Variants in ARHGAP24 observed in about 807,000 individuals in gnomAD.
The protein encoded by ARHGAP24 is rho GTPase-activating protein 24.
ARHGAP24 carries 50 observed loss-of-function variants against 76.4 expected under a neutral mutation model. The ratio of observed to expected loss-of-function variants is 0.65; its 90% CI spans 0.52 to 0.83. The LOEUF is 0.83. Ranked by LOEUF, ARHGAP24 falls within the 40% of genes least tolerant of loss-of-function variation. The pLI is 0.00. For missense variants in ARHGAP24, 930 were observed against 914.2 expected (o/e 1.02, Z -0.22); for synonymous variants, 345 against 323.3 (o/e 1.07, Z -0.72).
At chr4:85,771,078 A>C (rs1727114092) in intron 3 of ARHGAP24, among the ~76,000 whole-genome samples, 1 of 152,142 alleles carries the variant, frequency 6.6e-6, no homozygotes, top group South Asian at 2.1e-4. Flanking sequence ...GTTTGCAAAT[A>C]TGTTCTTTTA....
At chr4:85,642,091 C>T (rs575468858) in intron 2 of ARHGAP24, among the ~76,000 whole-genome samples, 1 of 152,152 alleles carries the variant, frequency 6.6e-6, no homozygotes, top group South Asian at 2.1e-4. Flanking sequence ...GTCTTGTGAC[C>T]TACAATCAGA....
chr4:85,837,138 C>T (rs1412955943), intron 3 of ARHGAP24, among the ~76,000 whole-genome samples: 1 of 152,202 alleles, frequency 6.6e-6, no homozygotes, highest in Non-Finnish European at 1.5e-5. Context: ...TATTTATTCC[C>T]TTGCTGTAGA....
At chr4:85,513,951 G>A (rs913794784) in intron 1 of ARHGAP24, among the ~76,000 whole-genome samples, 2 of 152,068 alleles carry the variant, frequency 1.3e-5, no homozygotes, top group Non-Finnish European at 2.9e-5. Flanking sequence ...CCTAATATGT[G>A]TATGTTGTCA....
chr4:85,659,723 C>T (rs1359363629), intron 2 of ARHGAP24, among the ~76,000 whole-genome samples: 1 of 152,172 alleles, frequency 6.6e-6, no homozygotes, highest in Non-Finnish European at 1.5e-5. Flanking sequence ...TTCATCTCCT[C>T]AGTCTGCTTT....
At chr4:85,675,546 A>T (rs543084214) in intron 2 of ARHGAP24, among the ~76,000 whole-genome samples, 5 of 152,198 alleles carry the variant, frequency 3.3e-5, no homozygotes, top group Non-Finnish European at 5.9e-5. Flanking sequence ...CAATTTATGG[A>T]TAACCTTCTA....
intron 3 of ARHGAP24, among the ~76,000 whole-genome samples, chr4:85,745,337 C>T (rs1357657096): frequency 6.8e-6 from 1 of 146,914 alleles, no homozygotes; most frequent in Non-Finnish European, 1.5e-5. Context: ...TACATATATA[C>T]ATATATATGT....
At chr4:85,757,711 T>A (rs1238498490) in intron 3 of ARHGAP24, among the ~76,000 whole-genome samples, 1 of 152,232 alleles carries the variant, frequency 6.6e-6, no homozygotes, top group Non-Finnish European at 1.5e-5. Context: ...GCATGATTTA[T>A]AGTCCTTTGG....
At chr4:85,975,821 G>T (rs765421113) in intron 7 of ARHGAP24, 1 of 152,132 alleles carries the variant, frequency 6.6e-6, no homozygotes, top group South Asian at 2.1e-4. Context: ...AGCGTTCAAG[G>T]GACTAGGAAC....
chr4:85,565,925 A>G lies in ARHGAP24; in HGVS notation c.-20-4597A>G, dbSNP rs527466980. Reference sequence around the variant, plus strand: ...ATTTCGTCTCTGATTGCACCATGTCATACTGTTGTGTTCTTGGCCCATCTG... The same window carrying G: ...ATTTCGTCTCTGATTGCACCATGTCGTACTGTTGTGTTCTTGGCCCATCTG... On this transcript the variant is annotated intron_variant, in intron 1 of 9. Coordinates refer to ENST00000395184, the MANE Select transcript of ARHGAP24 (RefSeq NM_001025616.3). Among the ~76,000 whole-genome samples the G allele has an allele frequency of 1.6e-4, 24 of 152,314 alleles. No individual in the cohort carries two copies. In the East Asian group the frequency reaches 3.5e-3, roughly 22 times the overall value.
intron 2 of ARHGAP24, among the ~76,000 whole-genome samples, chr4:85,595,629 G>T (rs1719798074): frequency 6.6e-6 from 1 of 152,020 alleles, no homozygotes; most frequent in Non-Finnish European, 1.5e-5. Flanking sequence ...ACCAGGATGG[G>T]TGAAGAAATA....
intron 1 of ARHGAP24, among the ~76,000 whole-genome samples, chr4:85,514,459 A>T (rs528945830): frequency 1.3e-5 from 2 of 152,028 alleles, no homozygotes; most frequent in African/African-American, 4.8e-5. Context: ...TCCTTTTTGC[A>T]TGTGAATTCC....
chr4:85,954,400 G>T (rs1344390216), intron 5 of ARHGAP24, among the ~76,000 whole-genome samples: 2 of 152,028 alleles, frequency 1.3e-5, no homozygotes, highest in South Asian at 4.2e-4. Context: ...TTTCTTTACT[G>T]CTTATCATCT....
chr4:85,765,056 T>C (rs1726877243), intron 3 of ARHGAP24, among the ~76,000 whole-genome samples: 1 of 152,120 alleles, frequency 6.6e-6, no homozygotes, highest in African/African-American at 2.4e-5. Flanking sequence ...AGTGGAACAT[T>C]TGTTTGACTT....
At position 85,582,952 on chromosome 4, in the gene ARHGAP24, T is replaced by C. The variant is rs577318939; in HGVS notation, c.180+12231T>C. On this transcript the variant is annotated intron_variant, in intron 2 of 9. Coordinates refer to ENST00000395184, the MANE Select transcript of ARHGAP24 (RefSeq NM_001025616.3). ...CTGCACTTTTGTTTCTGACCTGTTG[T>C]TTCCTTTAATATTCTGGATTGAGAA... Among the ~76,000 whole-genome samples the C allele has an allele frequency of 1.5e-3, 236 of 152,286 alleles. 1 individual carries two copies. Among genetic ancestry groups the C allele is most frequent in the Non-Finnish European group, 2.6e-3 (174 of 67,998 alleles).
At chr4:85,504,873 A>G (rs1175467303) in intron 1 of ARHGAP24, among the ~76,000 whole-genome samples, 1 of 151,998 alleles carries the variant, frequency 6.6e-6, no homozygotes, top group African/African-American at 2.4e-5. Context: ...GTTCCTTTCC[A>G]TGTTTAGTGC....
intron 1 of ARHGAP24, among the ~76,000 whole-genome samples, chr4:85,510,859 A>G (rs984345635): frequency 8.0e-6 from 1 of 125,226 alleles, no homozygotes; most frequent in African/African-American, 3.1e-5. Context: ...CTGAGTCTCT[A>G]TTCTCATCGC....
chr4:85,869,959 T>G (rs921539788), intron 3 of ARHGAP24, among the ~76,000 whole-genome samples: 6 of 152,210 alleles, frequency 3.9e-5, no homozygotes, highest in African/African-American at 7.2e-5. Context: ...TACTGTGACT[T>G]TGTGCCTTTG....
intron 5 of ARHGAP24, among the ~76,000 whole-genome samples, chr4:85,958,405 C>T (rs1490606982): frequency 3.3e-5 from 5 of 152,068 alleles, no homozygotes; most frequent in South Asian, 2.1e-4. Flanking sequence ...TTGTCACTAA[C>T]ATTTTATGGT....
chr4:85,742,041 A>G lies in ARHGAP24; in HGVS notation c.268+20069A>G, dbSNP rs565282441. ...AGAGTGGGGGAGGGAGTGGTAAGGC[A>G]GGTTGACTGGGATAGACCAGTCACG... is the stretch of plus-strand genomic sequence containing the variant. On this transcript the variant is annotated intron_variant, in intron 3 of 9. Transcript: ENST00000395184. 7.9e-4 allele frequency among the ~76,000 whole-genome samples: 121 copies of G among 152,338 alleles called. 1 individual carries two copies. The highest frequency in any genetic ancestry group is 9.6e-4 in the Non-Finnish European group (65 of 68,026).
Sources: allele counts gnomAD v4.1 joint callset (sites outside exome capture counted in the v4.1 genomes callset), GRCh38; gene constraint gnomAD v4.1.1; transcripts MANE v1.5; gene names NCBI Gene and HGNC (gene_info 2026-07-23, HGNC 2026-07-21).